ABCA4: variants seen among roughly 807,000 people sequenced by gnomAD.
ABCA4 encodes the protein retinal-specific phospholipid-transporting ATPase ABCA4.
Under a neutral mutation model 263.7 loss-of-function variants are expected in ABCA4, and 196 were observed. That is an observed-to-expected ratio of 0.74 (90% confidence interval 0.66 to 0.84). ABCA4 has a LOEUF of 0.84. Among genes scored for constraint, ABCA4 ranks in the 40% least tolerant of loss-of-function variants. ABCA4 has a pLI of 0.00. For missense variants in ABCA4, 2,792 were observed against 2,855.1 expected (o/e 0.98, Z 0.50); for synonymous variants, 1,133 against 1,094.2 (o/e 1.04, Z -0.70).
chr1:94,056,158 A>G (rs778340148), intron 15 of ABCA4, among the ~76,000 whole-genome samples: 1 of 152,244 alleles, frequency 6.6e-6, no homozygotes, highest in African/African-American at 2.4e-5. Context: ...CATGTTAAAG[A>G]TACTTGTGGA....
At chr1:94,030,283 G>T (rs1660160080) in intron 29 of ABCA4, 145 bp downstream of exon 29, 2 of 736,632 alleles carry the variant, frequency 2.7e-6, no homozygotes. Context: ...GGAAGGAGAG[G>T]TTGGGGGAGT....
chr1:94,117,551 A>G (rs945914635), intron 1 of ABCA4, among the ~76,000 whole-genome samples: 2 of 152,168 alleles, frequency 1.3e-5, no homozygotes, highest in African/African-American at 4.8e-5. Flanking sequence ...AGTGATCTTC[A>G]TAAACCCTCC....
chr1:94,107,047 G>A (rs1223685238), intron 4 of ABCA4, among the ~76,000 whole-genome samples: 1 of 152,172 alleles, frequency 6.6e-6, no homozygotes, highest in Non-Finnish European at 1.5e-5. Context: ...ACGCATGCAC[G>A]GGAAGGTGCC....
At chr1:94,039,053 G>A (rs1341662879) in intron 24 of ABCA4, among the ~76,000 whole-genome samples, 2 of 152,162 alleles carry the variant, frequency 1.3e-5, no homozygotes, top group Non-Finnish European at 1.5e-5. Context: ...TAACATATTA[G>A]TATCAATTTA....
intron 1 of ABCA4, among the ~76,000 whole-genome samples, chr1:94,117,648 C>T (rs933509616): frequency 2.0e-5 from 3 of 152,112 alleles, no homozygotes; most frequent in African/African-American, 7.2e-5. Context: ...TGGGAATGCA[C>T]GTTATCAGGA....
Position 94,116,968 on chromosome 1 carries a change from CTCTTTCTTTCTTTCTT to C in ABCA4, c.67-3918_67-3903del, listed in dbSNP as rs57665252. ...CCCTCCCTCCCTCCTTTCTTTCTTT[CTCTTTCTTTCTTTCTT>C]TCTTTCTTTCTTTCTTTCTTTCTTT... is the stretch of plus-strand genomic sequence containing the variant. On this transcript the variant is annotated intron_variant, in intron 1 of 49. Transcript: ENST00000370225. 3.9e-3 allele frequency among the ~76,000 whole-genome samples: 394 copies of C among 100,030 alleles called. 2 individuals carry two copies. Among genetic ancestry groups the C allele is most frequent in the African/African-American group, 0.012 (306 of 24,838 alleles). 65.6% of individuals were successfully genotyped at this position (100,030 alleles called of 152,430 possible).
intron 43 of ABCA4, 114 bp from the exon 44 acceptor site, chr1:94,005,696 C>T: frequency 9.5e-7 from 1 of 1,057,216 alleles, no homozygotes; most frequent in Non-Finnish European, 1.4e-6. Context: ...CTTCTCTTCT[C>T]CTATTTGGCT....
At position 94,010,928 on chromosome 1, in the gene ABCA4, A is replaced by T. The variant is rs150257214; in HGVS notation, c.5586T>A (p.Gly1862=). 87 of 1,614,018 alleles carry T rather than the reference A, an allele frequency of 5.4e-5. No homozygotes were observed. In the African/African-American group the frequency reaches 1.0e-3, roughly 19 times the overall value. Residue 1862 remains glycine, a splice_region_variant and synonymous_variant, in exon 40 of 50, where the codon GGT becomes GGA. Coordinates refer to ENST00000370225, the MANE Select transcript of ABCA4 (RefSeq NM_000350.3). The part of the protein sequence containing the change: ...QAVTDVYARF[G]EEHSANPFHW... ...GGAACGGATTTGCAGAGTGCTCCTC[A>T]CCTGGGCATCAACAGGAATTGAGTC...
chr1:94,082,164 A>C (rs1661718180), intron 7 of ABCA4, among the ~76,000 whole-genome samples: 1 of 152,172 alleles, frequency 6.6e-6, no homozygotes, highest in Non-Finnish European at 1.5e-5. Flanking sequence ...TTGCTTCAAC[A>C]ACAGTGAGTC....
At chr1:94,098,688 G>T in intron 6 of ABCA4, 106 bp downstream of exon 6, 2 of 1,327,442 alleles carry the variant, frequency 1.5e-6, no homozygotes, top group Non-Finnish European at 1.1e-6. Flanking sequence ...CTTTTGCAAG[G>T]ATTGTCCAGA....
chr1:94,105,738 C>G (rs1230590028), intron 4 of ABCA4, among the ~76,000 whole-genome samples: 1 of 151,918 alleles, frequency 6.6e-6, no homozygotes, highest in African/African-American at 2.4e-5. Context: ...GAGCTTGCTT[C>G]GAGGGAGAGG....
At chr1:94,041,188 C>T (rs1381920060) in intron 23 of ABCA4, 21 bp downstream of exon 23, 1 of 1,613,914 alleles carries the variant, frequency 6.2e-7, no homozygotes, top group Admixed American at 1.7e-5. Flanking sequence ...GGCCAGGGTC[C>T]TTCCCTGGGC....
intron 26 of ABCA4, among the ~76,000 whole-genome samples, chr1:94,033,619 G>A (rs1237077749): frequency 5.3e-5 from 8 of 152,262 alleles, no homozygotes; most frequent in Middle Eastern, 6.8e-3. Context: ...AGGACTGTTG[G>A]TTGGTCCCCA....
At chr1:94,106,723 A>G (rs1426901064) in intron 4 of ABCA4, among the ~76,000 whole-genome samples, 3 of 152,292 alleles carry the variant, frequency 2.0e-5, no homozygotes, top group South Asian at 2.1e-4. Context: ...TCATACACCA[A>G]TCTGGTCATA....
chr1:94,081,219 C>T (rs1171305863), intron 7 of ABCA4, among the ~76,000 whole-genome samples: 4 of 151,876 alleles, frequency 2.6e-5, no homozygotes, highest in African/African-American at 7.3e-5. Context: ...AGCAATACTC[C>T]GTCTCAAAAC....
In ABCA4 at chr1:94,053,303, G is replaced by A. The variant is rs201601946; in HGVS notation, c.2588-1605C>T. On this transcript the variant is annotated intron_variant, in intron 16 of 49. Coordinates refer to ENST00000370225, the MANE Select transcript of ABCA4 (RefSeq NM_000350.3). The stretch of plus-strand genomic sequence containing the variant: ...GGGGAAGCCTTGTGGGACTGAACCC[G>A]TGGAGTCTGTGTGAATTCTGGATAG... 1.1e-4 allele frequency among the ~76,000 whole-genome samples: 16 copies of A among 152,320 alleles called. No individual in the cohort carries two copies. In the East Asian group the frequency reaches 1.4e-3, roughly 13 times the overall value.
intron 26 of ABCA4, among the ~76,000 whole-genome samples, chr1:94,033,439 A>AG (rs1479181692): frequency 2.2e-5 from 3 of 138,234 alleles, no homozygotes; most frequent in South Asian, 2.2e-4. Context: ...AAAAAAAAAG[A>AG]AAAAAAAAAA....
At chr1:94,035,136 CA>C (rs1222215481) in intron 26 of ABCA4, among the ~76,000 whole-genome samples, 2 of 152,230 alleles carry the variant, frequency 1.3e-5, no homozygotes, top group Non-Finnish European at 2.9e-5. Context: ...GCTGACTAAA[CA>C]GTCCTCTGAT....
chr1:94,083,255 T>C (rs1661746193), intron 7 of ABCA4, 97 bp downstream of exon 7: 7 of 1,112,550 alleles, frequency 6.3e-6, no homozygotes, highest in Admixed American at 1.7e-5. Flanking sequence ...TACTTTTCCT[T>C]GAACAGGTTT....
Sources: allele counts gnomAD v4.1 joint callset (sites outside exome capture counted in the v4.1 genomes callset), GRCh38; gene constraint gnomAD v4.1.1; transcripts MANE v1.5; gene names NCBI Gene and HGNC (gene_info 2026-07-23, HGNC 2026-07-21).